XDH: variants seen among roughly 807,000 people sequenced by gnomAD.
The protein encoded by XDH is xanthine dehydrogenase, also known as xanthine dehydrogenase/oxidase.
XDH carries 138 observed loss-of-function variants against 156.1 expected under a neutral mutation model. That is an observed-to-expected ratio of 0.88 (90% confidence interval 0.77 to 1.02). The LOEUF is 1.02. XDH is among the 50% of genes least tolerant of loss of function. XDH has a pLI of 0.00. For missense variants in XDH, 1,849 were observed against 1,684.9 expected (o/e 1.10, Z -1.71); for synonymous variants, 669 against 625.7 (o/e 1.07, Z -1.03).
chr2:31,384,408 C>G (rs1339461799), intron 9 of XDH: 1 of 155,142 alleles, frequency 6.4e-6, no homozygotes, highest in Non-Finnish European at 1.4e-5. Flanking sequence ...GAAAGTTTAA[C>G]ATTAAAACAA....
chr2:31,380,790 G>A (rs1686416601), intron 12 of XDH, among the ~76,000 whole-genome samples: 1 of 152,134 alleles, frequency 6.6e-6, no homozygotes, highest in Non-Finnish European at 1.5e-5. Flanking sequence ...TCAGAGCCGG[G>A]GTGGTCTTGG....
chr2:31,411,794 T>C (rs576441920), intron 1 of XDH, among the ~76,000 whole-genome samples: 37 of 152,372 alleles, frequency 2.4e-4, no homozygotes, highest in Middle Eastern at 3.4e-3. Flanking sequence ...GGTATTACTT[T>C]GTCTAATTAT....
intron 24 of XDH, among the ~76,000 whole-genome samples, chr2:31,351,764 G>T (rs1685487104): frequency 2.0e-5 from 3 of 152,204 alleles, no homozygotes; most frequent in Admixed American, 6.5e-5. Context: ...TGATTCAGCT[G>T]TATATAGAAT....
chr2:31,413,761 G>A (rs1687402547), intron 1 of XDH, among the ~76,000 whole-genome samples: 1 of 152,084 alleles, frequency 6.6e-6, no homozygotes, highest in South Asian at 2.1e-4. Flanking sequence ...TGCAACTATG[G>A]GACTCTTTTA....
Position 31,366,764 on chromosome 2 carries a change from G to A in XDH, c.2322+106C>T, listed in dbSNP as rs1685924618. ...GACTATGACACTCGAGTACCCTCTG[G>A]ACCAGCCCACATCTCCCTCTTCCTA... On this transcript the variant is annotated intron_variant, in intron 21 of 35. Coordinates refer to ENST00000379416, the MANE Select transcript of XDH (RefSeq NM_000379.4). 4 of 1,577,372 alleles carry A rather than the reference G, an allele frequency of 2.5e-6. No homozygotes were observed. The Admixed American group carries it at 5.0e-5, about 20-fold the overall frequency.
Position 31,386,553 on chromosome 2 carries a change from C to T in XDH, c.654G>A (p.Arg218=), listed in dbSNP as rs200552762. The T allele has an allele frequency of 1.3e-4, 210 of 1,614,030 alleles. No homozygotes were observed. The highest frequency in any genetic ancestry group is 1.7e-4 in the Non-Finnish European group (199 of 1,180,040). The change falls in exon 9 of 36, where the codon AGG becomes AGA. Residue 218 remains arginine, a splice_region_variant and synonymous_variant. Transcript: ENST00000379416. ...GCTGCTTCCGAGGAGTGTCTTTCAG[C>T]CTCTGGGAAATGCAGTTTTCTTACT... is the stretch of plus-strand genomic sequence containing the variant. ...QEPIFPPELL[R]LKDTPRKQLR... is the part of the protein sequence containing the mutation.
rs529891514 is a variant in XDH, at chr2:31,341,387, C to T, written c.3527G>A (p.Arg1176His). 141 of 1,577,138 alleles carry T rather than the reference C, an allele frequency of 8.9e-5. No homozygotes were observed. The highest frequency in any genetic ancestry group is 3.3e-4 in the Middle Eastern group (2 of 6,022). ...DCLTGDHKNL[R>H]TDIVMDVGSS... is the part of the protein sequence containing the mutation. ...GCCAACATCCATGACAATATCTGTGCGGAGGTTCTAGAGTAGACAGCAAAA... is the reference window on the plus strand; with the variant it reads ...GCCAACATCCATGACAATATCTGTGTGGAGGTTCTAGAGTAGACAGCAAAA... The change falls in exon 33 of 36, where the codon CGC (arginine) becomes CAC (histidine). Residue 1176 changes from arginine to histidine, a missense_variant. By Grantham distance (29) the Arg-to-His change is conservative. Coordinates refer to ENST00000379416, the MANE Select transcript of XDH (RefSeq NM_000379.4).
At chr2:31,380,027 C>T (rs369612113) in intron 12 of XDH, 51 bp from the exon 13 acceptor site, 6 of 1,563,274 alleles carry the variant, frequency 3.8e-6, no homozygotes, top group Middle Eastern at 2.0e-4. Context: ...AGGCTGGGAA[C>T]CCCCCATGGG....
chr2:31,346,167 C>T (rs181844799), intron 30 of XDH, among the ~76,000 whole-genome samples: 69 of 152,310 alleles, frequency 4.5e-4, no homozygotes, highest in African/African-American at 1.6e-3. Flanking sequence ...GCTGGAGGAG[C>T]CACAGCCTCC....
chr2:31,410,197 G>T (rs1410568468), intron 1 of XDH, among the ~76,000 whole-genome samples: 2 of 152,198 alleles, frequency 1.3e-5, no homozygotes, highest in Non-Finnish European at 2.9e-5. Context: ...CAGAAAAAAT[G>T]ATGGTTTCCA....
intron 1 of XDH, 21 bp downstream of exon 1, chr2:31,414,604 C>T (rs778652657): frequency 1.2e-6 from 2 of 1,613,936 alleles, no homozygotes; most frequent in South Asian, 1.1e-5. Flanking sequence ...GACACAAAAC[C>T]AAAGGTCAGC....
intron 1 of XDH, among the ~76,000 whole-genome samples, chr2:31,407,607 G>T (rs914487793): frequency 1.3e-5 from 2 of 152,144 alleles, no homozygotes; most frequent in Admixed American, 6.5e-5. Context: ...ATCACAAGAA[G>T]AATGAAAGGT....
At chr2:31,343,890 A>G (rs1262301603) in intron 31 of XDH, among the ~76,000 whole-genome samples, 4 of 151,844 alleles carry the variant, frequency 2.6e-5, no homozygotes, top group Non-Finnish European at 5.9e-5. Context: ...ATGTTTATAC[A>G]TATATATATT....
chr2:31,338,553 G>C (rs1685030592), intron 34 of XDH, among the ~76,000 whole-genome samples: 1 of 152,070 alleles, frequency 6.6e-6, no homozygotes, highest in African/African-American at 2.4e-5. Context: ...TAAACCACGA[G>C]ATGAGCAAAT....
chr2:31,343,310 A>ATATATATATATATGCATGTT (rs35743236), intron 31 of XDH, among the ~76,000 whole-genome samples: 1,293 of 101,220 alleles, frequency 0.013, 14 homozygotes, highest in Non-Finnish European at 0.014. Flanking sequence ...ATATATATAT[A>ATATATATATATATGCATGTT]TATATATATA....
chr2:31,400,993 T>C lies in XDH; in HGVS notation c.306+227A>G, dbSNP rs45492095. 8.8e-3 allele frequency among the ~76,000 whole-genome samples: 1,334 copies of C among 152,266 alleles called. 27 individuals are homozygous for C. Among genetic ancestry groups the C allele is most frequent in the African/African-American group, 0.03 (1,262 of 41,538 alleles). On this transcript the variant is annotated intron_variant, in intron 4 of 35. Coordinates refer to ENST00000379416, the MANE Select transcript of XDH (RefSeq NM_000379.4). ...TCTTGGGTCCCTTCAGATCATGCAA[T>C]GTTATAACCAACCAGCTCACAGGAA...
intron 6 of XDH, among the ~76,000 whole-genome samples, chr2:31,397,298 A>G (rs1686936063): frequency 1.3e-5 from 2 of 152,196 alleles, no homozygotes; most frequent in Non-Finnish European, 2.9e-5. Context: ...GAGCAAGGCC[A>G]CGTTGTTATT....
chr2:31,387,309 A>G (rs968675155), intron 8 of XDH, among the ~76,000 whole-genome samples: 1 of 152,114 alleles, frequency 6.6e-6, no homozygotes, highest in Non-Finnish European at 1.5e-5. Flanking sequence ...TATTAGAGTG[A>G]TGGTGATAAA....
chr2:31,361,471 C>T (rs1167223781), intron 24 of XDH, among the ~76,000 whole-genome samples: 2 of 152,178 alleles, frequency 1.3e-5, no homozygotes, highest in Non-Finnish European at 2.9e-5. Context: ...GACAATTAAG[C>T]TCACTAGTCA....
Sources: gnomAD v4.1 joint callset for allele counts (sites outside exome capture counted in the v4.1 genomes callset) on GRCh38, gnomAD v4.1.1 for gene constraint, MANE v1.5 for transcripts, NCBI Gene and HGNC (gene_info 2026-07-23, HGNC 2026-07-21) for gene names.